MSRA: variants seen among roughly 807,000 people sequenced by gnomAD.
MSRA encodes the protein mitochondrial peptide methionine sulfoxide reductase.
MSRA carries 54 observed loss-of-function variants against 31.3 expected under a neutral mutation model. That is an observed-to-expected ratio of 1.73 (90% CI 1.39 to 2.17). The LOEUF (loss-of-function observed/expected upper bound fraction) is 2.17, where lower values mean the gene tolerates loss of function less well. Among genes scored for constraint, MSRA ranks in the 30% most tolerant of loss-of-function variants. MSRA has a pLI of 0.00. For synonymous variants in MSRA, 169 were observed against 116.5 expected (o/e 1.45, Z -2.90); for missense variants, 507 against 300.9 (o/e 1.69, Z -5.07).
At chr8:10,351,662 A>C (rs919698275) in intron 5 of MSRA, among the ~76,000 whole-genome samples, 1 of 152,326 alleles carries the variant, frequency 6.6e-6, no homozygotes, top group South Asian at 2.1e-4. Context: ...TGATTAAACT[A>C]CTTCCTCATT....
At chr8:10,336,347 A>C (rs759091873) in intron 5 of MSRA, among the ~76,000 whole-genome samples, 91 of 152,272 alleles carry the variant, frequency 6.0e-4, no homozygotes, top group Middle Eastern at 3.4e-3. Flanking sequence ...TATTATTTTT[A>C]TACATATTCA....
At chr8:10,220,275 G>A (rs1194129677) in intron 2 of MSRA, among the ~76,000 whole-genome samples, 5 of 152,198 alleles carry the variant, frequency 3.3e-5, no homozygotes, top group African/African-American at 7.2e-5. Context: ...GACCTTGGGA[G>A]CAACAGTGGT....
At chr8:10,169,917 C>CTTTTTT (rs71538069) in intron 1 of MSRA, among the ~76,000 whole-genome samples, 1 of 131,952 alleles carries the variant, frequency 7.6e-6, no homozygotes, top group African/African-American at 2.8e-5. Flanking sequence ...TTCTTTCTTT[C>CTTTTTT]TTTTTTTTTT....
At chr8:10,419,104 G>C (rs1002165368) in intron 5 of MSRA, among the ~76,000 whole-genome samples, 1 of 152,134 alleles carries the variant, frequency 6.6e-6, no homozygotes, top group Admixed American at 6.5e-5. Flanking sequence ...AGGTTCATAG[G>C]CATCAGCATC....
At chr8:10,373,783 T>C (rs1400082224) in intron 5 of MSRA, among the ~76,000 whole-genome samples, 1 of 152,176 alleles carries the variant, frequency 6.6e-6, no homozygotes, top group African/African-American at 2.4e-5. Context: ...TGACCGCACT[T>C]TGGAGCCCAG....
chr8:10,194,187 CAA>C (rs1807771976), intron 1 of MSRA, among the ~76,000 whole-genome samples: 1 of 152,200 alleles, frequency 6.6e-6, no homozygotes, highest in South Asian at 2.1e-4. Flanking sequence ...GGTGAACCCA[CAA>C]ATACTTCATT....
At chr8:10,107,907 T>C (rs1437761103) in intron 1 of MSRA, among the ~76,000 whole-genome samples, 1 of 152,172 alleles carries the variant, frequency 6.6e-6, no homozygotes, top group Non-Finnish European at 1.5e-5. Context: ...GCATCCCTAA[T>C]CTCCTTTAGT....
At chr8:10,184,386 G>C (rs1049773087) in intron 1 of MSRA, among the ~76,000 whole-genome samples, 3 of 151,874 alleles carry the variant, frequency 2.0e-5, no homozygotes, top group African/African-American at 7.3e-5. Context: ...GAAAGAATCA[G>C]TTTCCTGCCT....
intron 4 of MSRA, among the ~76,000 whole-genome samples, chr8:10,305,955 T>G (rs1452319079): frequency 6.6e-6 from 1 of 152,252 alleles, no homozygotes; most frequent in Non-Finnish European, 1.5e-5. Flanking sequence ...CCACAGAACC[T>G]CTACTTTTGC....
intron 5 of MSRA, among the ~76,000 whole-genome samples, chr8:10,329,036 G>A (rs1325571459): frequency 2.6e-5 from 4 of 152,292 alleles, no homozygotes; most frequent in East Asian, 3.9e-4. Flanking sequence ...TCTTGACACC[G>A]AAGTTGCTAT....
chr8:10,158,503 A>C (rs191140783), intron 1 of MSRA, among the ~76,000 whole-genome samples: 1 of 152,324 alleles, frequency 6.6e-6, no homozygotes, highest in Admixed American at 6.5e-5. Context: ...TTTCACTAGC[A>C]TAAGTTTTCA....
chr8:10,129,732 C>G (rs1801763188), intron 1 of MSRA, among the ~76,000 whole-genome samples: 2 of 152,088 alleles, frequency 1.3e-5, no homozygotes. Context: ...AGCAAAGATA[C>G]CAGTTATTAG....
At chr8:10,349,635 G>A (rs1005890497) in intron 5 of MSRA, among the ~76,000 whole-genome samples, 3 of 152,248 alleles carry the variant, frequency 2.0e-5, no homozygotes, top group African/African-American at 7.2e-5. Flanking sequence ...GACCCTGTCT[G>A]AGTTGCTTTT....
intron 1 of MSRA, among the ~76,000 whole-genome samples, chr8:10,145,818 G>C (rs753613033): frequency 1.3e-5 from 2 of 151,976 alleles, no homozygotes; most frequent in African/African-American, 4.8e-5. Context: ...ACATACACCC[G>C]CATCTGCACG....
At chr8:10,276,153 C>A (rs1488686764) in intron 3 of MSRA, among the ~76,000 whole-genome samples, 1 of 152,184 alleles carries the variant, frequency 6.6e-6, no homozygotes, top group Non-Finnish European at 1.5e-5. Flanking sequence ...GTGGTGGCTA[C>A]TCTGTTTCTT....
At chr8:10,126,963 C>G (rs1801548050) in intron 1 of MSRA, among the ~76,000 whole-genome samples, 1 of 152,228 alleles carries the variant, frequency 6.6e-6, no homozygotes, top group Admixed American at 6.5e-5. Context: ...CCACTCACCT[C>G]CTGCTGTGCG....
At chr8:10,124,690 TC>T (rs1340367176) in intron 1 of MSRA, among the ~76,000 whole-genome samples, 2 of 152,220 alleles carry the variant, frequency 1.3e-5, no homozygotes, top group African/African-American at 4.8e-5. Flanking sequence ...AAACCAAATA[TC>T]CACTTATCTT....
chr8:10,101,111 G>C (rs531838254), intron 1 of MSRA, among the ~76,000 whole-genome samples: 1 of 152,286 alleles, frequency 6.6e-6, no homozygotes, highest in East Asian at 1.9e-4. Context: ...TTGGGTTAGA[G>C]ATAATGTTCC....
chr8:10,098,623 T>A (rs1799330667), intron 1 of MSRA, among the ~76,000 whole-genome samples: 1 of 152,230 alleles, frequency 6.6e-6, no homozygotes, highest in East Asian at 1.9e-4. Flanking sequence ...ACAAAGTATG[T>A]TCACTTTTCT....
Sources: gnomAD v4.1 joint callset for allele counts (sites outside exome capture counted in the v4.1 genomes callset) on GRCh38, gnomAD v4.1.1 for gene constraint, MANE v1.5 for transcripts, NCBI Gene and HGNC (gene_info 2026-07-23, HGNC 2026-07-21) for gene names.